The following ARHGAP35 variants were observed in gnomAD, a reference collection of about 807,000 sequenced individuals.
The protein encoded by ARHGAP35 is rho GTPase-activating protein 35.
ARHGAP35 carries 15 observed loss-of-function variants against 111.1 expected under a neutral mutation model. The observed-to-expected ratio is 0.13, with a 90% CI of 0.09 to 0.21. The LOEUF (loss-of-function observed/expected upper bound fraction) is 0.21, where lower values mean the gene tolerates loss of function less well. Ranked by LOEUF, ARHGAP35 falls within the 10% of genes least tolerant of loss-of-function variation. ARHGAP35 has a pLI of 1.00. For missense variants in ARHGAP35, 1,262 were observed against 1,873.0 expected (o/e 0.67, Z 6.02); for synonymous variants, 643 against 710.3 (o/e 0.91, Z 1.51).
At chr19:46,979,457 G>T (rs367758485) in intron 3 of ARHGAP35, among the ~76,000 whole-genome samples, 2 of 152,176 alleles carry the variant, frequency 1.3e-5, no homozygotes, top group Non-Finnish European at 2.9e-5. Flanking sequence ...CTTTGCCAGC[G>T]TGGTTTCTTA....
At chr19:46,959,865 G>A (rs188071051) in intron 3 of ARHGAP35, among the ~76,000 whole-genome samples, 118 of 152,118 alleles carry the variant, frequency 7.8e-4, no homozygotes, top group African/African-American at 2.8e-3. Flanking sequence ...GGAGGCAGAG[G>A]GGCTAGAGGA....
intron 3 of ARHGAP35, among the ~76,000 whole-genome samples, chr19:46,943,033 A>G (rs2122234514): frequency 6.7e-6 from 1 of 150,040 alleles, no homozygotes; most frequent in South Asian, 2.1e-4. Context: ...TTGTTTTAAT[A>G]ATGTGATTTT....
intron 2 of ARHGAP35, among the ~76,000 whole-genome samples, chr19:46,933,155 T>C (rs890195200): frequency 1.4e-5 from 2 of 147,784 alleles, no homozygotes. Context: ...TTTTTTTTTT[T>C]TTTTCCGAGA....
intron 3 of ARHGAP35, among the ~76,000 whole-genome samples, chr19:46,956,867 G>A (rs1046404263): frequency 2.0e-5 from 3 of 150,248 alleles, no homozygotes; most frequent in African/African-American, 4.9e-5. Flanking sequence ...ATCTTCCTAC[G>A]TTTAACCAGT....
In ARHGAP35 at chr19:46,988,225, G is replaced by A. The variant is rs1033006425; in HGVS notation, c.3904+159G>A. 9.0e-5 allele frequency: 61 copies of A among 676,288 alleles called. 1 individual carries two copies. Among genetic ancestry groups the A allele is most frequent in the Admixed American group, 5.3e-4 (22 of 41,484 alleles). 41.9% of individuals were successfully genotyped at this position (676,288 alleles called of 1,614,324 possible). ...GAAAGAGACCATGTGTGGCTGCAGC[G>A]GGGAGGAGGGGACCGGGTCCTGTCA... On this transcript the variant is annotated intron_variant, in intron 4 of 6. Coordinates refer to ENST00000672722, the MANE Select transcript of ARHGAP35 (RefSeq NM_004491.5). The surrounding 1 kb of genome is among the most constrained non-coding windows in gnomAD (Gnocchi z 5.4).
rs73564864 is a variant in ARHGAP35 at position 46,994,585 on chromosome 19, G to A, written c.4037-4719G>A. Among the ~76,000 whole-genome samples, 517 of 152,242 alleles carry A rather than the reference G, an allele frequency of 3.4e-3. 2 individuals carry two copies. Among genetic ancestry groups the A allele is most frequent in the African/African-American group, 0.011 (442 of 41,546 alleles). ...AGCCAGCCAGAGGCGCCGTGAACTC[G>A]CCGGGGATGAGGATGGTGGTCAGGA... On this transcript the variant is annotated intron_variant, in intron 5 of 6. Transcript: ENST00000672722. The surrounding 1 kb of genome is among the most constrained non-coding windows in gnomAD (Gnocchi z 5.4).
intron 1 of ARHGAP35, among the ~76,000 whole-genome samples, chr19:46,865,984 G>T (rs566308653): frequency 6.6e-6 from 1 of 152,050 alleles, no homozygotes; most frequent in Non-Finnish European, 1.5e-5. Context: ...GGGATTACAG[G>T]CATGCACCAC....
At position 46,901,710 on chromosome 19, in the gene ARHGAP35, T is replaced by C. The variant is rs187488686; in HGVS notation, c.-188-16778T>C. Reference sequence around the variant, plus strand: ...TACGTTGGCTTTCTCAGCTGTTGAATTTGAGTGCCCATTCCAAGGGTAGGC... The same window carrying C: ...TACGTTGGCTTTCTCAGCTGTTGAACTTGAGTGCCCATTCCAAGGGTAGGC... On this transcript the variant is annotated intron_variant, in intron 1 of 6. Coordinates refer to ENST00000672722, the MANE Select transcript of ARHGAP35 (RefSeq NM_004491.5). This position sits in a 1 kb window ranked among gnomAD's most constrained non-coding sequence, Gnocchi z 4.5. Among the ~76,000 whole-genome samples the C allele has an allele frequency of 6.6e-6, 1 of 152,314 alleles. No homozygotes were observed. Among genetic ancestry groups the C allele is most frequent in the Non-Finnish European group, 1.5e-5 (1 of 68,026 alleles).
chr19:46,868,087 C>G (rs1396536302), intron 1 of ARHGAP35, among the ~76,000 whole-genome samples: 1 of 152,126 alleles, frequency 6.6e-6, no homozygotes, highest in African/African-American at 2.4e-5. Context: ...AGCCTGGTCT[C>G]GAACTCCTGA....
Position 47,000,655 on chromosome 19 carries a change from T to C in ARHGAP35, c.4467T>C (p.Leu1489=). The part of the protein sequence containing the change: ...PTPQSPMQPL[L]PSQLQAEHTL ...CCCAGTCCCCAATGCAGCCACTGCT[T>C]CCCTCCCAGCTTCAAGCCGAACACA... The change falls in exon 7 of 7, where the codon CTT becomes CTC. Residue 1489 remains leucine, a synonymous_variant. Coordinates refer to ENST00000672722, the MANE Select transcript of ARHGAP35 (RefSeq NM_004491.5). This position sits in a 1 kb window ranked among gnomAD's most constrained non-coding sequence, Gnocchi z 6.9. 6.3e-7 allele frequency: 1 copy of C among 1,599,626 alleles called. No homozygotes were observed. Among genetic ancestry groups the C allele is most frequent in the Non-Finnish European group, 8.5e-7 (1 of 1,172,292 alleles).
At chr19:46,907,389 A>T (rs976649098) in intron 1 of ARHGAP35, among the ~76,000 whole-genome samples, 5 of 151,840 alleles carry the variant, frequency 3.3e-5, no homozygotes, top group African/African-American at 1.2e-4. Context: ...TGACCTCGTG[A>T]TCCGCCCGCC....
At position 46,988,156 on chromosome 19, in the gene ARHGAP35, A is replaced by C. The variant is rs1599867964; in HGVS notation, c.3904+90A>C. ...TGAACTGTCTGTGGGGCTTCGGAGC[A>C]CTCCTGCCAGCACAGACCCAAAGCC... On this transcript the variant is annotated intron_variant, in intron 4 of 6. Transcript: ENST00000672722. This position sits in a 1 kb window ranked among gnomAD's most constrained non-coding sequence, Gnocchi z 5.4. 1 of 1,285,078 alleles carries C rather than the reference A, an allele frequency of 7.8e-7. No individual in the cohort carries two copies. The allele number at this position is 1,285,078 out of a possible 1,614,324, so 79.6% of individuals were successfully genotyped here.
At chr19:46,971,337 C>CAG (rs1405592650) in intron 3 of ARHGAP35, among the ~76,000 whole-genome samples, 1 of 151,802 alleles carries the variant, frequency 6.6e-6, no homozygotes, top group Non-Finnish European at 1.5e-5. Context: ...ACCCGGGAGG[C>CAG]AGAGGTTGCA....
intron 2 of ARHGAP35, among the ~76,000 whole-genome samples, chr19:46,933,597 G>A (rs2056286497): frequency 6.6e-6 from 1 of 152,144 alleles, no homozygotes; most frequent in South Asian, 2.1e-4. Context: ...CTAGGAGTTG[G>A]CCTCTATCAA....
Position 46,882,178 on chromosome 19 carries a change from G to C in ARHGAP35, c.-189+20969G>C, listed in dbSNP as rs145332082. 3.1e-3 allele frequency among the ~76,000 whole-genome samples: 466 copies of C among 151,106 alleles called. 2 individuals carry two copies. Among genetic ancestry groups the C allele is most frequent in the African/African-American group, 0.011 (445 of 41,096 alleles). On this transcript the variant is annotated intron_variant, in intron 1 of 6. Transcript: ENST00000672722. ...AGACAAGGTTTCGCTCTGTCACCCA[G>C]CATGGAATGCAGTGGCATGATTATG...
chr19:46,929,986 C>T (rs574160037), intron 2 of ARHGAP35, among the ~76,000 whole-genome samples: 23 of 151,888 alleles, frequency 1.5e-4, no homozygotes, highest in Admixed American at 6.6e-5. Flanking sequence ...GGTCTCAAAA[C>T]TCTTGGCCTT....
At position 46,920,305 on chromosome 19, in the gene ARHGAP35, A is replaced by C; in HGVS notation, c.1630A>C (p.Ile544Leu). The C allele has an allele frequency of 6.2e-7, 1 of 1,614,036 alleles. No individual in the cohort carries two copies. Among genetic ancestry groups the C allele is most frequent in the East Asian group, 2.2e-5 (1 of 44,890 alleles). ...GCTCCAAGCAGAGCGTGATGCCCTT[A>C]TTCTGAAACACATTCATTTTGTGTA... Reference protein sequence around the residue: ...QKLQAERDALILKHIHFVYHP... With the variant: ...QKLQAERDALLLKHIHFVYHP... The change falls in exon 2 of 7, where the codon ATT (isoleucine) becomes CTT (leucine). Residue 544 changes from isoleucine (I) to leucine (L), a missense_variant. Ile to Leu is a conservative substitution (Grantham distance 5). Around this residue, in one of 8 missense-constraint regions of ARHGAP35, gnomAD observed 328 missense variants for 440.8 expected, o/e 0.74. Transcript: ENST00000672722. The surrounding 1 kb of genome is among the most constrained non-coding windows in gnomAD (Gnocchi z 7.0).
At chr19:46,899,960 G>GT (rs1233526348) in intron 1 of ARHGAP35, among the ~76,000 whole-genome samples, 1 of 152,134 alleles carries the variant, frequency 6.6e-6, no homozygotes, top group Non-Finnish European at 1.5e-5. Flanking sequence ...TTTAACTGAT[G>GT]TACCTGTCAA....
At chr19:46,969,274 A>G (rs554922287) in intron 3 of ARHGAP35, among the ~76,000 whole-genome samples, 105 of 152,344 alleles carry the variant, frequency 6.9e-4, no homozygotes, top group African/African-American at 2.4e-3. Context: ...GGTGAATTGT[A>G]TGTTGTGTGA....
Sources: allele counts gnomAD v4.1 joint callset (sites outside exome capture counted in the v4.1 genomes callset), GRCh38; gene constraint gnomAD v4.1.1; regional missense constraint gnomAD v4.1.1; non-coding constraint Gnocchi (gnomAD v3.1); transcripts MANE v1.5; gene names NCBI Gene and HGNC (gene_info 2026-07-23, HGNC 2026-07-21).